Variants in KCNH1 observed in about 807,000 individuals in gnomAD.
KCNH1 encodes voltage-gated delayed rectifier potassium channel KCNH1.
Under a neutral mutation model 69.2 loss-of-function variants are expected in KCNH1, and 27 were observed. The ratio of observed to expected loss-of-function variants is 0.39; its 90% CI spans 0.29 to 0.54. KCNH1 has a LOEUF of 0.54. KCNH1 is among the 20% of genes least tolerant of loss of function. The pLI, the probability that KCNH1 is intolerant of heterozygous loss-of-function variation, is 0.68. For missense variants in KCNH1, 798 were observed against 1,261.6 expected, an observed-to-expected ratio of 0.63 and a Z score of 5.57; for synonymous variants, 456 against 487.7, an observed-to-expected ratio of 0.93 and a Z score of 0.86.
In KCNH1 at chr1:210,916,301, C is replaced by T. The variant is rs117547568; in HGVS notation, c.1462+3339G>A. The stretch of plus-strand genomic sequence containing the variant: ...GCATTACGCCAAGTGCAGTAACTTT[C>T]TTGTTAGCACAATTTGGCAGATGTG... On this transcript the variant is annotated intron_variant, in intron 7 of 10. Coordinates refer to ENST00000271751, the MANE Select transcript of KCNH1 (RefSeq NM_172362.3). 2.4e-3 allele frequency among the ~76,000 whole-genome samples: 373 copies of T among 152,338 alleles called. 18 individuals carry two copies. The East Asian group carries it at 0.066, about 27-fold the overall frequency.
chr1:210,987,216 C>T (rs1688856953), intron 6 of KCNH1, among the ~76,000 whole-genome samples: 1 of 152,088 alleles, frequency 6.6e-6, no homozygotes, highest in Non-Finnish European at 1.5e-5. Flanking sequence ...AACTTCTTTG[C>T]CGTGGGTTTG....
intron 7 of KCNH1, among the ~76,000 whole-genome samples, chr1:210,844,328 C>G (rs2102457227): frequency 6.6e-6 from 1 of 152,242 alleles, no homozygotes; most frequent in African/African-American, 2.4e-5. Flanking sequence ...CGAGACCATC[C>G]TGGACAACAT....
chr1:211,087,625 ACACACACACACACG>A (rs1216631854), intron 4 of KCNH1, among the ~76,000 whole-genome samples: 4 of 100,266 alleles, frequency 4.0e-5, no homozygotes, highest in African/African-American at 7.1e-5. Flanking sequence ...ACACACACAC[ACACACACACACACG>A]CACACACACA....
intron 9 of KCNH1, among the ~76,000 whole-genome samples, chr1:210,785,072 T>C (rs894573604): frequency 2.0e-5 from 3 of 152,094 alleles, no homozygotes; most frequent in Admixed American, 6.5e-5. Context: ...GATACAGAGA[T>C]GATGCTTACA....
At chr1:211,076,307 C>G (rs935693707) in intron 5 of KCNH1, among the ~76,000 whole-genome samples, 2 of 152,232 alleles carry the variant, frequency 1.3e-5, no homozygotes, top group Non-Finnish European at 2.9e-5. Context: ...CTCCATGTAG[C>G]CTAACTTGGA....
chr1:210,969,572 T>C (rs912596839), intron 6 of KCNH1, among the ~76,000 whole-genome samples: 4 of 152,088 alleles, frequency 2.6e-5, no homozygotes, highest in Non-Finnish European at 2.9e-5. Flanking sequence ...TCTAAATGCT[T>C]AATTTTCTCT....
chr1:210,815,163 G>A (rs1362787721), intron 7 of KCNH1, among the ~76,000 whole-genome samples: 2 of 152,140 alleles, frequency 1.3e-5, no homozygotes, highest in African/African-American at 2.4e-5. Flanking sequence ...CGAGAAATTT[G>A]TTCTTTTCAA....
At chr1:210,733,515 C>A (rs1437188665) in intron 10 of KCNH1, among the ~76,000 whole-genome samples, 1 of 152,208 alleles carries the variant, frequency 6.6e-6, no homozygotes, top group African/African-American at 2.4e-5. Context: ...TAAGGCTCTG[C>A]ATTAACATTT....
At chr1:210,797,965 G>A (rs1684352218) in intron 8 of KCNH1, among the ~76,000 whole-genome samples, 1 of 151,938 alleles carries the variant, frequency 6.6e-6, no homozygotes, top group Non-Finnish European at 1.5e-5. Context: ...CAGGACAGGG[G>A]TCTGAGAATC....
intron 6 of KCNH1, among the ~76,000 whole-genome samples, chr1:210,993,077 A>G (rs568486068): frequency 6.6e-6 from 1 of 151,818 alleles, no homozygotes; most frequent in Non-Finnish European, 1.5e-5. Flanking sequence ...CTCCTTTCTC[A>G]CTCACTTAAG....
chr1:210,874,134 A>AT (rs1011090586), intron 7 of KCNH1, among the ~76,000 whole-genome samples: 1 of 152,196 alleles, frequency 6.6e-6, no homozygotes, highest in African/African-American at 2.4e-5. Flanking sequence ...AGAAAAAAAA[A>AT]GTCTTCTACA....
chr1:210,759,817 A>C (rs1274633386), intron 10 of KCNH1, among the ~76,000 whole-genome samples: 1 of 152,192 alleles, frequency 6.6e-6, no homozygotes, highest in Non-Finnish European at 1.5e-5. Context: ...AGGCAGATAT[A>C]AGAAATCTAG....
chr1:210,836,526 C>T (rs1685286646), intron 7 of KCNH1, among the ~76,000 whole-genome samples: 1 of 152,178 alleles, frequency 6.6e-6, no homozygotes, highest in Admixed American at 6.5e-5. Flanking sequence ...GCTCCCTCAT[C>T]TTCCCTGTCC....
intron 6 of KCNH1, among the ~76,000 whole-genome samples, chr1:210,999,735 C>T (rs969984713): frequency 1.3e-5 from 2 of 152,204 alleles, no homozygotes; most frequent in African/African-American, 4.8e-5. Flanking sequence ...AGACCAATAT[C>T]CTTGATGAAC....
intron 6 of KCNH1, among the ~76,000 whole-genome samples, chr1:211,012,091 T>C (rs538736295): frequency 6.6e-6 from 1 of 152,234 alleles, no homozygotes; most frequent in African/African-American, 2.4e-5. Context: ...TTGTCCTCTT[T>C]TTTCCAAAAT....
At chr1:210,828,414 G>A (rs1302231950) in intron 7 of KCNH1, among the ~76,000 whole-genome samples, 1 of 152,226 alleles carries the variant, frequency 6.6e-6, no homozygotes, top group East Asian at 1.9e-4. Flanking sequence ...CATTGATAAG[G>A]ACTGACTCCT....
chr1:210,807,506 G>T (rs1207416855), intron 7 of KCNH1, among the ~76,000 whole-genome samples: 1 of 152,082 alleles, frequency 6.6e-6, no homozygotes, highest in Non-Finnish European at 1.5e-5. Context: ...CAGCAACTTG[G>T]AAGGCTAAGG....
chr1:210,847,237 C>A (rs1685577778), intron 7 of KCNH1, among the ~76,000 whole-genome samples: 1 of 152,118 alleles, frequency 6.6e-6, no homozygotes, highest in African/African-American at 2.4e-5. Flanking sequence ...TGGGCATATA[C>A]CCAAAGGACT....
intron 5 of KCNH1, among the ~76,000 whole-genome samples, chr1:211,046,974 TAAAAG>T (rs905784083): frequency 1.3e-5 from 2 of 152,038 alleles, no homozygotes; most frequent in Admixed American, 6.6e-5. Context: ...CAAAAAAAAG[TAAAAG>T]AAAACAAGTA....
Sources: allele counts gnomAD v4.1 joint callset (sites outside exome capture counted in the v4.1 genomes callset), GRCh38; gene constraint gnomAD v4.1.1; transcripts MANE v1.5; gene names NCBI Gene and HGNC (gene_info 2026-07-23, HGNC 2026-07-21).